R3HCC1L: variants seen among roughly 807,000 people sequenced by gnomAD.
The protein encoded by R3HCC1L is R3H domain and coiled-coil containing 1 like.
In R3HCC1L, 51 loss-of-function variants were observed where a neutral mutation model predicts 59.9. The observed-to-expected ratio is 0.85, with a 90% confidence interval of 0.68 to 1.07. The LOEUF is 1.07. Ranked by LOEUF, R3HCC1L falls within the 50% of genes least tolerant of loss-of-function variation. The pLI is 0.00. For missense variants in R3HCC1L, 965 were observed against 933.0 expected (o/e 1.03, Z -0.45); for synonymous variants, 322 against 315.2 (o/e 1.02, Z -0.23).
chr10:98,158,259 A>AT (rs1847075284), intron 2 of R3HCC1L, among the ~76,000 whole-genome samples: 1 of 151,856 alleles, frequency 6.6e-6, no homozygotes, highest in Non-Finnish European at 1.5e-5. Context: ...TCCTTCCCCC[A>AT]TTTTTTCCAA....
At chr10:98,197,211 C>T (rs1851529966) in intron 4 of R3HCC1L, among the ~76,000 whole-genome samples, 1 of 152,000 alleles carries the variant, frequency 6.6e-6, no homozygotes, top group Admixed American at 6.6e-5. Flanking sequence ...CACCATGCCC[C>T]CCCCTCCACC....
intron 9 of R3HCC1L, among the ~76,000 whole-genome samples, chr10:98,241,636 C>G (rs1477016564): frequency 6.6e-6 from 1 of 152,120 alleles, no homozygotes; most frequent in Non-Finnish European, 1.5e-5. Context: ...AGTTTATCAG[C>G]TATTATCTGC....
chr10:98,175,913 T>A (rs1848965987), intron 4 of R3HCC1L, among the ~76,000 whole-genome samples: 1 of 152,196 alleles, frequency 6.6e-6, no homozygotes, highest in Non-Finnish European at 1.5e-5. Flanking sequence ...GTTAAAATTG[T>A]AGGTTTACAT....
chr10:98,192,266 C>G (rs1196085015), intron 4 of R3HCC1L, among the ~76,000 whole-genome samples: 1 of 150,502 alleles, frequency 6.6e-6, no homozygotes, highest in Non-Finnish European at 1.5e-5. Context: ...TCTTATAAAG[C>G]TTTAAAAAAA....
chr10:98,204,658 T>A (rs894614356), intron 4 of R3HCC1L, among the ~76,000 whole-genome samples: 2 of 152,208 alleles, frequency 1.3e-5, no homozygotes, highest in South Asian at 4.1e-4. Flanking sequence ...CCTGTGGTCA[T>A]CCATGTATGA....
intron 5 of R3HCC1L, among the ~76,000 whole-genome samples, chr10:98,215,771 T>A (rs1364058592): frequency 1.3e-5 from 2 of 152,220 alleles, no homozygotes. Flanking sequence ...AACAATATGT[T>A]GATTGTGATG....
At position 98,231,571 on chromosome 10, in the gene R3HCC1L, T is replaced by A; in HGVS notation, c.1845T>A (p.Asn615Lys). 1 of 1,612,944 alleles carries A rather than the reference T, an allele frequency of 6.2e-7. No homozygotes were observed. The highest frequency in any genetic ancestry group is 8.5e-7 in the Non-Finnish European group (1 of 1,179,178). ...SIQEPRSDYY[N>K]HEVPDIDLSD... ...AGGAACCTAGATCTGATTACTACAA[T>A]CATGAAGTTCCTGATATTGACCTCA... Residue 615 changes from asparagine (N) to lysine (K), a missense_variant, in exon 6 of 10, where the codon AAT becomes AAA. By Grantham distance (94) the Asn-to-Lys change is moderately conservative. Transcript: ENST00000298999.
Position 98,222,208 on chromosome 10 carries a change from G to A in R3HCC1L, c.1786-9304G>A, listed in dbSNP as rs187471879. Among the ~76,000 whole-genome samples, 891 of 152,280 alleles carry A rather than the reference G, an allele frequency of 5.9e-3. 5 individuals are homozygous for A. Among genetic ancestry groups the A allele is most frequent in the African/African-American group, 0.021 (855 of 41,550 alleles). On this transcript the variant is annotated intron_variant, in intron 5 of 9. Coordinates refer to ENST00000298999, the MANE Select transcript of R3HCC1L (RefSeq NM_001351015.2). ...CTGTTACTGGTGTATAAGAATGCTT[G>A]TGATTTTTGTACATTGATTTTGTAT...
At chr10:98,173,103 T>C (rs1848672102) in intron 4 of R3HCC1L, among the ~76,000 whole-genome samples, 1 of 152,234 alleles carries the variant, frequency 6.6e-6, no homozygotes, top group Admixed American at 6.5e-5. Context: ...TATTTCTTTC[T>C]TCTCTCTTTG....
At chr10:98,146,389 C>G (rs1301202635) in intron 1 of R3HCC1L, among the ~76,000 whole-genome samples, 1 of 152,298 alleles carries the variant, frequency 6.6e-6, no homozygotes, top group East Asian at 1.9e-4. Context: ...TCCTACTGAT[C>G]TATCAAACAC....
chr10:98,141,420 T>C (rs1161018174), intron 1 of R3HCC1L, among the ~76,000 whole-genome samples: 2 of 152,172 alleles, frequency 1.3e-5, no homozygotes, highest in African/African-American at 2.4e-5. Flanking sequence ...AGGGGTGGTG[T>C]GTATGTGTGT....
intron 9 of R3HCC1L, among the ~76,000 whole-genome samples, chr10:98,242,409 T>A (rs1857630192): frequency 6.6e-6 from 1 of 152,174 alleles, no homozygotes; most frequent in South Asian, 2.1e-4. Context: ...ATGGTATCTG[T>A]CTTATAACGC....
At chr10:98,221,809 G>T (rs1855012260) in intron 5 of R3HCC1L, among the ~76,000 whole-genome samples, 1 of 152,208 alleles carries the variant, frequency 6.6e-6, no homozygotes, top group Non-Finnish European at 1.5e-5. Flanking sequence ...AAGTCAGGTA[G>T]CATGATGCCT....
At chr10:98,196,679 T>C (rs895040369) in intron 4 of R3HCC1L, among the ~76,000 whole-genome samples, 1 of 152,228 alleles carries the variant, frequency 6.6e-6, no homozygotes, top group African/African-American at 2.4e-5. Context: ...GACCACTTCT[T>C]ATGACCTCTG....
intron 4 of R3HCC1L, among the ~76,000 whole-genome samples, chr10:98,183,098 C>T (rs1192489234): frequency 6.6e-6 from 1 of 152,164 alleles, no homozygotes; most frequent in Non-Finnish European, 1.5e-5. Flanking sequence ...GTTGGAAATG[C>T]AGAAATTACC....
At chr10:98,164,341 AAAG>A (rs1369951610) in intron 4 of R3HCC1L, among the ~76,000 whole-genome samples, 1 of 152,114 alleles carries the variant, frequency 6.6e-6, no homozygotes, top group East Asian at 1.9e-4. Flanking sequence ...GGCACAGAAA[AAAG>A]AGAGGAACAA....
At position 98,198,468 on chromosome 10, in the gene R3HCC1L, T is replaced by G. The variant is rs190171548; in HGVS notation, c.-14-9633T>G. On this transcript the variant is annotated intron_variant, in intron 4 of 9. Coordinates refer to ENST00000298999, the MANE Select transcript of R3HCC1L (RefSeq NM_001351015.2). Reference sequence around the variant, plus strand: ...GATAGTGTAGTGAAACCAAGGAAGTTATTTTTTTAATATGCAAAGAAATGA... The same window carrying G: ...GATAGTGTAGTGAAACCAAGGAAGTGATTTTTTTAATATGCAAAGAAATGA... Among the ~76,000 whole-genome samples, 307 of 138,406 alleles carry G rather than the reference T, an allele frequency of 2.2e-3. 1 individual carries two copies. The highest frequency in any genetic ancestry group is 2.5e-3 in the Non-Finnish European group (160 of 63,818). 90.8% of individuals were successfully genotyped at this position (138,406 alleles called of 152,430 possible).
At chr10:98,171,353 A>G (rs995847013) in intron 4 of R3HCC1L, among the ~76,000 whole-genome samples, 1 of 152,216 alleles carries the variant, frequency 6.6e-6, no homozygotes, top group African/African-American at 2.4e-5. Flanking sequence ...TTTGAAGGGC[A>G]GTGCTATTCT....
intron 1 of R3HCC1L, among the ~76,000 whole-genome samples, chr10:98,138,489 A>G (rs1269908502): frequency 6.6e-6 from 1 of 152,150 alleles, no homozygotes; most frequent in Non-Finnish European, 1.5e-5. Flanking sequence ...CCAAGAGTTC[A>G]AGACCAGCCT....
Sources: allele counts gnomAD v4.1 joint callset (sites outside exome capture counted in the v4.1 genomes callset), GRCh38; gene constraint gnomAD v4.1.1; transcripts MANE v1.5; gene names NCBI Gene and HGNC (gene_info 2026-07-23, HGNC 2026-07-21).